STIL: variants seen among roughly 807,000 people sequenced by gnomAD.
STIL encodes STIL centriolar assembly protein.
A neutral mutation model predicts 110.1 loss-of-function variants in STIL; 55 were observed. The observed-to-expected ratio is 0.50, with a 90% CI of 0.40 to 0.63. The LOEUF (loss-of-function observed/expected upper bound fraction) is 0.63, where lower values mean the gene tolerates loss of function less well. Among genes scored for constraint, STIL ranks in the 20% least tolerant of loss-of-function variants. The pLI is 0.00. For synonymous variants in STIL, 481 were observed against 530.0 expected (o/e 0.91, Z 1.27); for missense variants, 1,358 against 1,530.0 (o/e 0.89, Z 1.87).
chr1:47,287,152 T>G (rs1330638267), intron 10 of STIL, among the ~76,000 whole-genome samples: 3 of 152,052 alleles, frequency 2.0e-5, no homozygotes, highest in African/African-American at 7.2e-5. Context: ...CACTTGAGGC[T>G]AGGAGCTCGA....
At chr1:47,291,275 C>T (rs1026050181) in intron 8 of STIL, among the ~76,000 whole-genome samples, 4 of 151,956 alleles carry the variant, frequency 2.6e-5, no homozygotes, top group African/African-American at 9.7e-5. Flanking sequence ...GCAGGAGAAA[C>T]GCTTGAACCC....
intron 9 of STIL, 46 bp from the exon 10 acceptor site, chr1:47,287,706 C>G: frequency 7.1e-7 from 1 of 1,415,280 alleles, no homozygotes; most frequent in South Asian, 1.2e-5. Flanking sequence ...TAAATAAGAA[C>G]ACCAGAGAAT....
intron 16 of STIL, among the ~76,000 whole-genome samples, chr1:47,259,056 GGCTCACTGCAA>G (rs1442545722): frequency 8.0e-6 from 1 of 125,570 alleles, no homozygotes; most frequent in Non-Finnish European, 1.6e-5. Flanking sequence ...GCGCAATCTC[GGCTCACTGCAA>G]GCTCTGCCTC....
intron 15 of STIL, among the ~76,000 whole-genome samples, chr1:47,261,110 G>A (rs1385341485): frequency 6.6e-6 from 1 of 152,176 alleles, no homozygotes; most frequent in African/African-American, 2.4e-5. Context: ...AACATAAGCT[G>A]GGCGTGGTGG....
chr1:47,288,913 A>AT (rs200630682), intron 9 of STIL, among the ~76,000 whole-genome samples: 53 of 141,582 alleles, frequency 3.7e-4, no homozygotes, highest in African/African-American at 9.3e-4. Flanking sequence ...AAAAAAAAAA[A>AT]TAGCCAGGTG....
chr1:47,304,921 T>C lies in STIL; in HGVS notation c.120A>G (p.Gly40=), dbSNP rs758375973. ...AACTGAGATGTAAGTAGATGAAATC[T>C]CCAGTTGGCGTTGGGTTCCAAAGTG... is the stretch of plus-strand genomic sequence containing the variant. ...KCALWNPTPT[G]DFIYLHLSYY... is the part of the protein sequence containing the mutation. The change falls in exon 3 of 17, where the codon GGA becomes GGG. Residue 40 remains glycine, a synonymous_variant. Coordinates refer to ENST00000371877, the MANE Select transcript of STIL (RefSeq NM_001048166.1). 6.2e-7 allele frequency: 1 copy of C among 1,613,856 alleles called. No individual in the cohort carries two copies. Among genetic ancestry groups the C allele is most frequent in the Non-Finnish European group, 8.5e-7 (1 of 1,179,772 alleles).
intron 12 of STIL, 77 bp downstream of exon 12, chr1:47,280,164 T>C (rs1173562131): frequency 1.9e-6 from 3 of 1,578,872 alleles, no homozygotes; most frequent in South Asian, 1.1e-5. Flanking sequence ...TAAAACATCA[T>C]TACTGAGGAG....
chr1:47,299,460 T>A (rs1645738917), intron 6 of STIL, among the ~76,000 whole-genome samples: 1 of 150,588 alleles, frequency 6.6e-6, no homozygotes, highest in Non-Finnish European at 1.5e-5. Flanking sequence ...TGGTGCGATC[T>A]CAGCTCATTG....
chr1:47,260,789 AGCCACGAG>A (rs1269574330), intron 15 of STIL, among the ~76,000 whole-genome samples: 1 of 152,176 alleles, frequency 6.6e-6, no homozygotes, highest in African/African-American at 2.4e-5. Flanking sequence ...GGACCACTTG[AGCCACGAG>A]GCTGAGGCTG....
chr1:47,293,452 A>G lies in STIL; in HGVS notation c.872+6T>C, dbSNP rs1401982244. The G allele has an allele frequency of 1.2e-6, 2 of 1,609,164 alleles. No homozygotes were observed. The highest frequency in any genetic ancestry group is 8.5e-7 in the Non-Finnish European group (1 of 1,175,778). ...ATAAAGTACTACAGAATAAAATATC[A>G]CTTGCCTTTCTTGAACAGAAGAATT... On this transcript the variant is annotated splice_donor_region_variant and intron_variant, in intron 8 of 16. Coordinates refer to ENST00000371877, the MANE Select transcript of STIL (RefSeq NM_001048166.1).
chr1:47,298,104 G>A (rs531875965), intron 6 of STIL, among the ~76,000 whole-genome samples: 11 of 152,170 alleles, frequency 7.2e-5, no homozygotes, highest in Non-Finnish European at 1.3e-4. Flanking sequence ...ACTCCAATCA[G>A]AAAGCACAGC....
chr1:47,298,075 C>A (rs1343629046), intron 6 of STIL, among the ~76,000 whole-genome samples: 2 of 152,134 alleles, frequency 1.3e-5, no homozygotes, highest in Non-Finnish European at 2.9e-5. Context: ...TTGGAATATA[C>A]CAATTTTTCC....
intron 12 of STIL, among the ~76,000 whole-genome samples, chr1:47,274,145 T>C (rs1376493333): frequency 9.2e-5 from 14 of 152,224 alleles, no homozygotes; most frequent in Non-Finnish European, 1.9e-4. Context: ...ATAATACTGA[T>C]CATTTCTCCC....
At chr1:47,290,522 A>G (rs1055931418) in intron 8 of STIL, among the ~76,000 whole-genome samples, 1 of 152,050 alleles carries the variant, frequency 6.6e-6, no homozygotes, top group Non-Finnish European at 1.5e-5. Context: ...TGGCTACCAC[A>G]GTGAAACCCT....
At chr1:47,296,141 A>C (rs966590341) in intron 6 of STIL, among the ~76,000 whole-genome samples, 1 of 152,220 alleles carries the variant, frequency 6.6e-6, no homozygotes, top group African/African-American at 2.4e-5. Flanking sequence ...AATTTACTTT[A>C]ATCAAGAGTG....
At chr1:47,309,721 C>T (rs902494249) in intron 2 of STIL, among the ~76,000 whole-genome samples, 1 of 152,156 alleles carries the variant, frequency 6.6e-6, no homozygotes, top group Admixed American at 6.6e-5. Flanking sequence ...CCCATAGTAA[C>T]AGACTGAGAA....
chr1:47,312,116 TTTTAG>T lies in STIL; in HGVS notation c.-43-1759_-43-1755del. Among the ~76,000 whole-genome samples, 5 of 152,224 alleles carry T rather than the reference TTTTAG, an allele frequency of 3.3e-5. No homozygotes were observed. In the Middle Eastern group the frequency reaches 0.014, roughly 414 times the overall value. On this transcript the variant is annotated intron_variant, in intron 1 of 16. Transcript: ENST00000371877. ...ATGCAGAGATTATTTAGAAGAGACTTTTTAGATAAAGTCAGAGGCTGAAAATCCTA... is the reference window on the plus strand; with the variant it reads ...ATGCAGAGATTATTTAGAAGAGACTTATAAAGTCAGAGGCTGAAAATCCTA...
At chr1:47,270,962 A>C (rs761357463) in intron 13 of STIL, among the ~76,000 whole-genome samples, 7 of 152,162 alleles carry the variant, frequency 4.6e-5, no homozygotes, top group Non-Finnish European at 1.5e-5. Context: ...TATAGGCATG[A>C]GCCACTGCGC....
In STIL at chr1:47,280,751, G is replaced by A; in HGVS notation, c.1707C>T (p.Ser569=). ...GTGAAAAAACAAAATCGTGTGGTTG[G>A]GACTGCGGGGCAAGAGAAGACTGCC... The part of the protein sequence containing the change: ...NSRQSSLAPQ[S]QPHDFVFSPH... Residue 569 remains serine (S), a synonymous_variant, in exon 12 of 17, where the codon TCC becomes TCT. Transcript: ENST00000371877. 6.2e-7 allele frequency: 1 copy of A among 1,613,972 alleles called. No individual in the cohort carries two copies. Among genetic ancestry groups the A allele is most frequent in the Non-Finnish European group, 8.5e-7 (1 of 1,179,906 alleles).
Sources: allele counts gnomAD v4.1 joint callset (sites outside exome capture counted in the v4.1 genomes callset), GRCh38; gene constraint gnomAD v4.1.1; transcripts MANE v1.5; gene names NCBI Gene and HGNC (gene_info 2026-07-23, HGNC 2026-07-21).